Variants in FNDC3B observed in about 807,000 individuals in gnomAD.
The protein encoded by FNDC3B is fibronectin type III domain-containing protein 3B.
In FNDC3B, 12 loss-of-function variants were observed where a neutral mutation model predicts 151.5. The observed-to-expected ratio is 0.08, with a 90% confidence interval of 0.05 to 0.13. The LOEUF is 0.13. Ranked by LOEUF, FNDC3B falls within the 10% of genes least tolerant of loss-of-function variation. The pLI is 1.00. For missense variants in FNDC3B, 1,214 were observed against 1,505.3 expected (o/e 0.81, Z 3.20); for synonymous variants, 528 against 549.0 (o/e 0.96, Z 0.54).
intron 3 of FNDC3B, among the ~76,000 whole-genome samples, chr3:172,192,949 C>T (rs1176371802): frequency 6.6e-6 from 1 of 152,078 alleles, no homozygotes; most frequent in Non-Finnish European, 1.5e-5. Flanking sequence ...AATTTATTAT[C>T]TGTAGAGTTT....
At chr3:172,317,516 G>T (rs1175242987) in intron 11 of FNDC3B, among the ~76,000 whole-genome samples, 1 of 152,130 alleles carries the variant, frequency 6.6e-6, no homozygotes, top group South Asian at 2.1e-4. Context: ...AAACATGGGG[G>T]ACACATTCAA....
rs114769873 is a variant in FNDC3B at position 172,227,425 on chromosome 3, C to T, written c.264+478C>T. 1.4e-3 allele frequency among the ~76,000 whole-genome samples: 206 copies of T among 152,314 alleles called. 1 individual carries two copies. Among genetic ancestry groups the T allele is most frequent in the African/African-American group, 4.9e-3 (203 of 41,552 alleles). On this transcript the variant is annotated intron_variant, in intron 4 of 25. Transcript: ENST00000415807. ...TGAGTTATTGAGTATGATGTGAGAACTTGGCTGTTTGCACTTAAATTTCTC... is the reference window on the plus strand; with the variant it reads ...TGAGTTATTGAGTATGATGTGAGAATTTGGCTGTTTGCACTTAAATTTCTC...
At chr3:172,204,123 A>G (rs1725308026) in intron 3 of FNDC3B, among the ~76,000 whole-genome samples, 1 of 152,130 alleles carries the variant, frequency 6.6e-6, no homozygotes, top group African/African-American at 2.4e-5. Flanking sequence ...TCTGTGAGGC[A>G]CTCCATCATG....
chr3:172,258,153 A>G (rs558180696), intron 6 of FNDC3B, among the ~76,000 whole-genome samples: 6 of 152,318 alleles, frequency 3.9e-5, no homozygotes, highest in African/African-American at 1.4e-4. Context: ...AAGAATTCCA[A>G]ATACGGAAGA....
Position 172,040,624 on chromosome 3 carries a change from G to C in FNDC3B, c.-29+853G>C, listed in dbSNP as rs1268266435. ...CCGGTGTGTGGGCCAGCGGAGCTCC[G>C]GTCAGTCGGTCACCCCGAGGGGCGC... On this transcript the variant is annotated intron_variant, in intron 1 of 25. Transcript: ENST00000415807. This position sits in a 1 kb window ranked among gnomAD's most constrained non-coding sequence, Gnocchi z 6.6. 6.6e-6 allele frequency: 1 copy of C among 151,536 alleles called. No individual in the cohort carries two copies. Among genetic ancestry groups the C allele is most frequent in the Non-Finnish European group, 1.5e-5 (1 of 67,816 alleles). The allele number at this position is 151,536 out of a possible 1,614,324, so 9.4% of individuals were successfully genotyped here. A position where few individuals can be genotyped will look rare whatever the true frequency, so the allele number is the denominator to read the frequency against.
chr3:172,306,475 G>A (rs1731207054), intron 9 of FNDC3B, among the ~76,000 whole-genome samples: 1 of 152,212 alleles, frequency 6.6e-6, no homozygotes, highest in Admixed American at 6.5e-5. Flanking sequence ...TCTGTGAATA[G>A]TTTAATCCTT....
intron 6 of FNDC3B, among the ~76,000 whole-genome samples, chr3:172,254,270 A>G (rs1270731147): frequency 2.6e-5 from 4 of 152,188 alleles, no homozygotes; most frequent in Non-Finnish European, 4.4e-5. Context: ...TCAGTTAACT[A>G]TGCTTCAGAA....
At chr3:172,377,976 G>GT (rs977059783) in intron 23 of FNDC3B, among the ~76,000 whole-genome samples, 4 of 151,998 alleles carry the variant, frequency 2.6e-5, no homozygotes, top group African/African-American at 9.7e-5. Context: ...TGAAAATTCT[G>GT]TTTTTTATTA....
chr3:172,070,051 GTC>G (rs1320915472), intron 1 of FNDC3B, among the ~76,000 whole-genome samples: 1 of 152,130 alleles, frequency 6.6e-6, no homozygotes, highest in Non-Finnish European at 1.5e-5. Context: ...TTCCATTCCA[GTC>G]TCTGAATTCC....
chr3:172,326,757 A>G (rs1732369249), intron 11 of FNDC3B, among the ~76,000 whole-genome samples: 2 of 152,174 alleles, frequency 1.3e-5, no homozygotes, highest in Admixed American at 1.3e-4. Context: ...TTGAGCCACA[A>G]ACAGTCTGGT....
chr3:172,392,975 G>A (rs566628), intron 25 of FNDC3B, among the ~76,000 whole-genome samples: 2 of 151,404 alleles, frequency 1.3e-5, no homozygotes, highest in Admixed American at 1.3e-4. Context: ...GCTAATTTTT[G>A]TATTTTTAGT....
chr3:172,307,377 A>T lies in FNDC3B; in HGVS notation c.1076A>T (p.Tyr359Phe), dbSNP rs201761204. Reference protein sequence around the residue: ...TDYHVRVYAMYNSVKGSCSEP... With the variant: ...TDYHVRVYAMFNSVKGSCSEP... Reference sequence around the variant, plus strand: ...TTTGTTTTCAGGGTGTATGCCATGTACAATTCCGTAAAGGGATCCTGCTCC... The same window carrying T: ...TTTGTTTTCAGGGTGTATGCCATGTTCAATTCCGTAAAGGGATCCTGCTCC... Residue 359 changes from tyrosine (Y) to phenylalanine (F), a missense_variant, in exon 10 of 26, where the codon TAC becomes TTC. Tyr to Phe is a conservative substitution (Grantham distance 22, BLOSUM62 3). Around this residue, in one of 7 missense-constraint regions of FNDC3B, gnomAD observed 156 missense variants for 225.3 expected, o/e 0.69. Coordinates refer to ENST00000415807, the MANE Select transcript of FNDC3B (RefSeq NM_022763.4). The T allele has an allele frequency of 6.2e-7, 1 of 1,614,138 alleles. No homozygotes were observed. The highest frequency in any genetic ancestry group is 1.3e-5 in the African/African-American group (1 of 75,032).
intron 3 of FNDC3B, among the ~76,000 whole-genome samples, chr3:172,199,857 G>A (rs1725048259): frequency 6.6e-6 from 1 of 152,176 alleles, no homozygotes; most frequent in Admixed American, 6.5e-5. Context: ...AAATGTTTGC[G>A]AAGTGAAAAT....
Position 172,397,780 on chromosome 3 carries a change from A to C in FNDC3B, c.*305A>C. 5.7e-6 allele frequency: 1 copy of C among 174,490 alleles called. No homozygotes were observed. 10.8% of individuals were successfully genotyped at this position (174,490 alleles called of 1,614,324 possible). On this transcript the variant is annotated 3_prime_UTR_variant, in exon 26 of 26. Coordinates refer to ENST00000415807, the MANE Select transcript of FNDC3B (RefSeq NM_022763.4). ...ATTTACCTTCATTCTGTTTTCACTGATGTCTTTTGCAAGCCTTTGATTTTT... is the reference window on the plus strand; with the variant it reads ...ATTTACCTTCATTCTGTTTTCACTGCTGTCTTTTGCAAGCCTTTGATTTTT...
chr3:172,240,295 G>A (rs1040983931), intron 4 of FNDC3B, among the ~76,000 whole-genome samples: 1 of 152,156 alleles, frequency 6.6e-6, no homozygotes, highest in African/African-American at 2.4e-5. Flanking sequence ...AACTGTATGT[G>A]CCTCACAGGA....
chr3:172,392,791 A>ATTTTTTTTT (rs1316047886), intron 25 of FNDC3B, among the ~76,000 whole-genome samples: 1 of 64,504 alleles, frequency 1.6e-5, no homozygotes, highest in Non-Finnish European at 3.8e-5. Flanking sequence ...AACTGAATGA[A>ATTTTTTTTT]TTTTTTCTTT....
At chr3:172,396,735 G>C (rs1470663104) in intron 25 of FNDC3B, among the ~76,000 whole-genome samples, 1 of 152,128 alleles carries the variant, frequency 6.6e-6, no homozygotes, top group African/African-American at 2.4e-5. Flanking sequence ...CTCCTCATGC[G>C]GATCTAACAC....
At chr3:172,045,046 A>G (rs1324560889) in intron 1 of FNDC3B, among the ~76,000 whole-genome samples, 1 of 152,248 alleles carries the variant, frequency 6.6e-6, no homozygotes, top group Non-Finnish European at 1.5e-5. Context: ...TGGTGTCACA[A>G]GGGATTAATG....
At chr3:172,202,940 T>C (rs1725232258) in intron 3 of FNDC3B, among the ~76,000 whole-genome samples, 1 of 152,210 alleles carries the variant, frequency 6.6e-6, no homozygotes. Flanking sequence ...ATACAGTCTC[T>C]GATGCATACT....
Sources: allele counts gnomAD v4.1 joint callset (sites outside exome capture counted in the v4.1 genomes callset), GRCh38; gene constraint gnomAD v4.1.1; regional missense constraint gnomAD v4.1.1; non-coding constraint Gnocchi (gnomAD v3.1); transcripts MANE v1.5; gene names NCBI Gene and HGNC (gene_info 2026-07-23, HGNC 2026-07-21).